Variants in SPINT1 observed in about 807,000 individuals in gnomAD.
SPINT1 encodes the protein kunitz-type protease inhibitor 1.
In SPINT1, 38 loss-of-function variants were observed where a neutral mutation model predicts 53.7. That is an observed-to-expected ratio of 0.71 (90% CI 0.55 to 0.93). The LOEUF (loss-of-function observed/expected upper bound fraction) is 0.93, where lower values mean the gene tolerates loss of function less well. Among genes scored for constraint, SPINT1 ranks in the 40% least tolerant of loss-of-function variants. SPINT1 has a pLI of 0.00. For missense variants in SPINT1, 645 were observed against 692.9 expected, an observed-to-expected ratio of 0.93 and a Z score of 0.78; for synonymous variants, 283 against 280.6, an observed-to-expected ratio of 1.01 and a Z score of -0.08.
intron 2 of SPINT1, among the ~76,000 whole-genome samples, chr15:40,852,589 T>C (rs1891490443): frequency 6.6e-6 from 1 of 151,566 alleles, no homozygotes; most frequent in Non-Finnish European, 1.5e-5. Context: ...ATTTCTATTG[T>C]AGAAAATAGA....
At chr15:40,855,860 T>G (rs747319563) in intron 8 of SPINT1, 32 bp from the exon 9 acceptor site, 29 of 1,587,812 alleles carry the variant, frequency 1.8e-5, no homozygotes, top group Non-Finnish European at 2.4e-5. Flanking sequence ...GGCCATGGAC[T>G]CGCTCACCAT....
At position 40,853,539 on chromosome 15, in the gene SPINT1, C is replaced by G; in HGVS notation, c.654C>G (p.Tyr218Ter). The G allele has an allele frequency of 6.2e-7, 1 of 1,614,156 alleles. No homozygotes were observed. Among genetic ancestry groups the G allele is most frequent in the East Asian group, 2.2e-5 (1 of 44,878 alleles). ...TGTGGGGACTCAAGGAAGGCACCTA[C>G]CTGTTCCAGCTGACAGTGACTAGCT... ...VELWGLKEGTYLFQLTVTSSD... is the reference protein window; with the variant it reads ...VELWGLKEGT The change falls in exon 4 of 11, where the codon TAC (tyrosine) becomes TAG (stop). Residue 218 changes from tyrosine (Y) to a stop codon, truncating the protein, a stop_gained. Coordinates refer to ENST00000562057, the MANE Select transcript of SPINT1 (RefSeq NM_003710.4). LOFTEE classifies it high-confidence loss of function.
intron 2 of SPINT1, among the ~76,000 whole-genome samples, chr15:40,850,801 C>T (rs966119750): frequency 2.0e-5 from 3 of 152,218 alleles, no homozygotes; most frequent in South Asian, 4.1e-4. Context: ...CCAGCCTCCT[C>T]GCTCCACAGA....
chr15:40,854,234 C>T, intron 6 of SPINT1, 148 bp downstream of exon 6: 1 of 1,362,386 alleles, frequency 7.3e-7, no homozygotes, highest in South Asian at 1.4e-5. Context: ...CCTTCCAGCC[C>T]AGCATCGTCC....
rs756719173 is a variant in SPINT1, at chr15:40,853,208, C to T, written c.560C>T (p.Thr187Ile). The T allele has an allele frequency of 4.3e-6, 7 of 1,614,226 alleles. No homozygotes were observed. In the South Asian group the frequency reaches 7.7e-5, roughly 18 times the overall value. ...CTGGTGCTGAAGGATGTGGAAAACA[C>T]AGATTGGCGCCTACTGCGGGGTGAC... Reference protein sequence around the residue: ...EPLVLKDVENTDWRLLRGDTD... With the variant: ...EPLVLKDVENIDWRLLRGDTD... The change falls in exon 3 of 11, where the codon ACA (threonine) becomes ATA (isoleucine). Residue 187 changes from threonine (T) to isoleucine (I), a missense_variant. Physicochemically the swap from Thr to Ile is moderately conservative, Grantham distance 89. Transcript: ENST00000562057.
At chr15:40,853,381 C>T (rs570924061) in intron 3 of SPINT1, 108 bp from the exon 4 acceptor site, 12 of 1,600,712 alleles carry the variant, frequency 7.5e-6, no homozygotes, top group African/African-American at 1.3e-5. Context: ...TGCATTTAAT[C>T]CAACTCCCCC....
At chr15:40,849,772 C>T (rs917264279) in intron 2 of SPINT1, among the ~76,000 whole-genome samples, 14 of 152,158 alleles carry the variant, frequency 9.2e-5, no homozygotes, top group Non-Finnish European at 1.8e-4. Context: ...TTTCTGGTGT[C>T]AACTTTCTCA....
At chr15:40,848,470 G>T (rs576737092) in intron 2 of SPINT1, among the ~76,000 whole-genome samples, 2 of 152,110 alleles carry the variant, frequency 1.3e-5, no homozygotes, top group Non-Finnish European at 2.9e-5. Context: ...GTTAGTCCCC[G>T]TAGTATTGTT....
intron 2 of SPINT1, among the ~76,000 whole-genome samples, chr15:40,847,544 C>G (rs1240378888): frequency 6.6e-6 from 1 of 152,164 alleles, no homozygotes. Flanking sequence ...TCTCTTCCCC[C>G]ACCTCTCCTC....
intron 10 of SPINT1, 120 bp from the exon 11 acceptor site, chr15:40,856,650 G>A (rs923277533): frequency 1.1e-4 from 162 of 1,528,588 alleles, no homozygotes; most frequent in Non-Finnish European, 1.3e-4. Context: ...GGTCTGAGTC[G>A]GGTGCCCATG....
At chr15:40,847,921 C>T (rs532167357) in intron 2 of SPINT1, among the ~76,000 whole-genome samples, 3 of 152,084 alleles carry the variant, frequency 2.0e-5, no homozygotes, top group South Asian at 4.1e-4. Context: ...GGACTGCGCT[C>T]CTCCCAGCTC....
intron 2 of SPINT1, among the ~76,000 whole-genome samples, chr15:40,851,167 T>C (rs1054519310): frequency 1.3e-5 from 2 of 152,006 alleles, no homozygotes; most frequent in African/African-American, 2.4e-5. Context: ...TCTTTTTTTT[T>C]TTTTTTAAAC....
Position 40,857,011 on chromosome 15 carries a change from C to T in SPINT1, c.*36C>T. ...CACCGGCTCTCACCTGGCCCTGCTT[C>T]CTGCTTGCCAAGGCAGAGGCCTGGG... On this transcript the variant is annotated 3_prime_UTR_variant, in exon 11 of 11. Transcript: ENST00000562057. 1.2e-6 allele frequency: 2 copies of T among 1,607,670 alleles called. No individual in the cohort carries two copies. Among genetic ancestry groups the T allele is most frequent in the African/African-American group, 1.3e-5 (1 of 74,936 alleles).
chr15:40,855,682 G>A (rs558065292), intron 8 of SPINT1: 20 of 496,084 alleles, frequency 4.0e-5, no homozygotes, highest in African/African-American at 3.9e-5. Flanking sequence ...ATGAGTCGGC[G>A]TAGTTTACTT....
chr15:40,851,120 T>C (rs557587369), intron 2 of SPINT1, among the ~76,000 whole-genome samples: 1 of 152,292 alleles, frequency 6.6e-6, no homozygotes, highest in East Asian at 1.9e-4. Flanking sequence ...CCTAACTCCT[T>C]GCTTTGGTTT....
chr15:40,844,065 G>T lies in SPINT1; in HGVS notation c.-187G>T. 2.3e-6 allele frequency: 1 copy of T among 428,346 alleles called. No homozygotes were observed. The highest frequency in any genetic ancestry group is 1.6e-5 in the South Asian group (1 of 62,220). The allele number at this position is 428,346 out of a possible 1,614,324, so 26.5% of individuals were successfully genotyped here. Reference sequence around the variant, plus strand: ...GCTGACTCAGTTTCACCAGAAACCAGGGGGAGAAGGCGGCCGAGCCCCAGC... The same window carrying T: ...GCTGACTCAGTTTCACCAGAAACCATGGGGAGAAGGCGGCCGAGCCCCAGC... On this transcript the variant is annotated 5_prime_UTR_variant, in exon 1 of 11. In the 5' UTR this introduces an upstream ATG that the reference lacks. Transcript: ENST00000562057. The surrounding 1 kb of genome is among the most constrained non-coding windows in gnomAD (Gnocchi z 5.8).
At chr15:40,855,467 G>A (rs1275284126) in intron 8 of SPINT1, among the ~76,000 whole-genome samples, 1 of 146,256 alleles carries the variant, frequency 6.8e-6, no homozygotes, top group East Asian at 2.1e-4. Context: ...TTTAAGAAAG[G>A]TAAACCAGCC....
intron 8 of SPINT1, 103 bp downstream of exon 8, chr15:40,854,792 C>T (rs1891585683): frequency 6.8e-7 from 1 of 1,462,226 alleles, no homozygotes; most frequent in African/African-American, 1.4e-5. Context: ...GTGTACGGGC[C>T]TGTGGGCACA....
Position 40,844,094 on chromosome 15 carries a change from C to A in SPINT1, c.-158C>A. 1 of 433,516 alleles carries A rather than the reference C, an allele frequency of 2.3e-6. No individual in the cohort carries two copies. The highest frequency in any genetic ancestry group is 4.6e-6 in the Non-Finnish European group (1 of 218,980). 26.9% of individuals were successfully genotyped at this position (433,516 alleles called of 1,614,324 possible). A position where few individuals can be genotyped will look rare whatever the true frequency, so the allele number is the denominator to read the frequency against. ...GAGAAGGCGGCCGAGCCCCAGCTCTCCGAGCACCGGGTCGGAAGCCGCGAC... is the reference window on the plus strand; with the variant it reads ...GAGAAGGCGGCCGAGCCCCAGCTCTACGAGCACCGGGTCGGAAGCCGCGAC... On this transcript the variant is annotated 5_prime_UTR_variant, in exon 1 of 11. Transcript: ENST00000562057. The surrounding 1 kb of genome is among the most constrained non-coding windows in gnomAD (Gnocchi z 5.8).
Sources: allele counts gnomAD v4.1 joint callset (sites outside exome capture counted in the v4.1 genomes callset), GRCh38; gene constraint gnomAD v4.1.1; non-coding constraint Gnocchi (gnomAD v3.1); transcripts MANE v1.5; gene names NCBI Gene and HGNC (gene_info 2026-07-23, HGNC 2026-07-21).